The following ZNF416 variants were observed in gnomAD, a reference collection of about 807,000 sequenced individuals.
ZNF416 encodes the protein zinc finger protein 416.
In ZNF416, 5 loss-of-function variants were observed where a neutral mutation model predicts 10.9. The ratio of observed to expected loss-of-function variants is 0.46; its 90% CI spans 0.24 to 0.97. The LOEUF (loss-of-function observed/expected upper bound fraction) is 0.97, where lower values mean the gene tolerates loss of function less well. Among genes scored for constraint, ZNF416 ranks in the 50% least tolerant of loss-of-function variants. The pLI is 0.19. For missense variants in ZNF416, 675 were observed against 715.0 expected, an observed-to-expected ratio of 0.94 and a Z score of 0.64; for synonymous variants, 267 against 251.8, an observed-to-expected ratio of 1.06 and a Z score of -0.57.
At chr19:57,578,633 C>G in intron 1 of ZNF416, 39 bp downstream of exon 1, 1 of 1,516,766 alleles carries the variant, frequency 6.6e-7, no homozygotes, top group Non-Finnish European at 8.8e-7. Flanking sequence ...GGATTTCCGG[C>G]GGAGAGGGCA....
chr19:57,574,512 A>G (rs987850730), intron 3 of ZNF416, among the ~76,000 whole-genome samples: 1 of 152,096 alleles, frequency 6.6e-6, no homozygotes, highest in African/African-American at 2.4e-5. Context: ...GCACTCTACT[A>G]CCTCCATTAA....
intron 2 of ZNF416, 145 bp from the exon 3 acceptor site, chr19:57,576,075 T>C: frequency 1.0e-6 from 1 of 994,252 alleles, no homozygotes; most frequent in Non-Finnish European, 1.5e-6. Context: ...CACTGATTCC[T>C]GCCCTCTCCT....
chr19:57,571,841 G>GAAC lies in ZNF416; in HGVS notation c.*275_*277dup, dbSNP rs1172666774. On this transcript the variant is annotated 3_prime_UTR_variant, in exon 4 of 4. Transcript: ENST00000196489. ...AAGGAATTTCCTCCAAGGGTTGGGA[G>GAAC]AACACAGGTGTATCTGCCTCGCCTT... The GAAC allele has an allele frequency of 2.6e-6, 1 of 379,444 alleles. No homozygotes were observed. Among genetic ancestry groups the GAAC allele is most frequent in the Non-Finnish European group, 4.8e-6 (1 of 209,924 alleles). 23.5% of individuals were successfully genotyped at this position (379,444 alleles called of 1,614,324 possible).
chr19:57,575,740 C>G lies in ZNF416; in HGVS notation c.202+64G>C. The G allele has an allele frequency of 6.2e-7, 1 of 1,609,054 alleles. No individual in the cohort carries two copies. Among genetic ancestry groups the G allele is most frequent in the Non-Finnish European group, 8.5e-7 (1 of 1,175,898 alleles). ...CAGCAAAGCCCACGGTCCGGCAGAG[C>G]TGCCTCTGAGGAAAAAGAGGATAGA... On this transcript the variant is annotated intron_variant, in intron 3 of 3. Transcript: ENST00000196489. The surrounding 1 kb of genome is among the most constrained non-coding windows in gnomAD (Gnocchi z 4.4).
Position 57,575,748 on chromosome 19 carries a change from G to T in ZNF416, c.202+56C>A. The T allele has an allele frequency of 1.2e-6, 2 of 1,611,870 alleles. No individual in the cohort carries two copies. The highest frequency in any genetic ancestry group is 1.1e-5 in the South Asian group (1 of 91,032). On this transcript the variant is annotated intron_variant, in intron 3 of 3. Coordinates refer to ENST00000196489, the MANE Select transcript of ZNF416 (RefSeq NM_017879.3). The surrounding 1 kb of genome is among the most constrained non-coding windows in gnomAD (Gnocchi z 4.4). ...CCCACGGTCCGGCAGAGCTGCCTCT[G>T]AGGAAAAAGAGGATAGACGAAGACC...
rs2083885924 is a variant in ZNF416, at chr19:57,572,734, T to A, written c.1170A>T (p.Leu390Phe). ...KPYECGECGK[L>F]FRQSFSLVVH... ...CAACAAGGCTGAAGCTTTGTCTGAA[T>A]AATTTCCCACATTCACCACACTCAT... is the stretch of plus-strand genomic sequence containing the variant. Residue 390 changes from leucine (L) to phenylalanine (F), a missense_variant, in exon 4 of 4, where the codon TTA (leucine) becomes TTT (phenylalanine). By Grantham distance (22) the Leu-to-Phe change is conservative (BLOSUM62 0). Coordinates refer to ENST00000196489, the MANE Select transcript of ZNF416 (RefSeq NM_017879.3). The surrounding 1 kb of genome is among the most constrained non-coding windows in gnomAD (Gnocchi z 4.5). 1.2e-6 allele frequency: 2 copies of A among 1,613,618 alleles called. No homozygotes were observed. The highest frequency in any genetic ancestry group is 2.7e-5 in the African/African-American group (2 of 74,840).
At chr19:57,576,368 G>A (rs901603824) in intron 2 of ZNF416, among the ~76,000 whole-genome samples, 1 of 151,908 alleles carries the variant, frequency 6.6e-6, no homozygotes, top group South Asian at 2.1e-4. Context: ...TCACTCCCAC[G>A]GCTATTTCCA....
intron 3 of ZNF416, 22 bp from the exon 4 acceptor site, chr19:57,573,723 T>C (rs1734803336): frequency 6.3e-7 from 1 of 1,597,488 alleles, no homozygotes; most frequent in Non-Finnish European, 8.6e-7. Context: ...GAAACACTGA[T>C]GAAATGCACG....
chr19:57,574,773 C>G (rs927703860), intron 3 of ZNF416, among the ~76,000 whole-genome samples: 4 of 152,100 alleles, frequency 2.6e-5, no homozygotes, highest in Non-Finnish European at 5.9e-5. Context: ...AATCCTGTGG[C>G]AAGATCTTGT....
chr19:57,574,221 C>G (rs1253021097), intron 3 of ZNF416, among the ~76,000 whole-genome samples: 1 of 152,162 alleles, frequency 6.6e-6, no homozygotes, highest in Non-Finnish European at 1.5e-5. Flanking sequence ...TTCCTCTGCT[C>G]TAGTCATCCC....
Position 57,575,971 on chromosome 19 carries a change from T to C in ZNF416, c.76-41A>G. ...TAGATCTTTCCATGATCAGATTCTC[T>C]CCTAGGACCCCAAGTTCATGCCCCC... On this transcript the variant is annotated intron_variant, in intron 2 of 3. Coordinates refer to ENST00000196489, the MANE Select transcript of ZNF416 (RefSeq NM_017879.3). This position sits in a 1 kb window ranked among gnomAD's most constrained non-coding sequence, Gnocchi z 4.4. 1 of 1,597,696 alleles carries C rather than the reference T, an allele frequency of 6.3e-7. No homozygotes were observed. Among genetic ancestry groups the C allele is most frequent in the South Asian group, 1.1e-5 (1 of 89,402 alleles).
At chr19:57,574,914 C>T in intron 3 of ZNF416, among the ~76,000 whole-genome samples, 1 of 152,172 alleles carries the variant, frequency 6.6e-6, no homozygotes, top group East Asian at 1.9e-4. Flanking sequence ...ATGTGCACAA[C>T]TCACAACATA....
chr19:57,573,583 G>A lies in ZNF416; in HGVS notation c.321C>T (p.Asp107=), dbSNP rs1458131316. Residue 107 remains aspartate, a synonymous_variant, in exon 4 of 4, where the codon GAC becomes GAT. Transcript: ENST00000196489. ...TGTCGGTCAGGAATGGGACACACAT[G>A]TCACAGGATTGAATCTTCTGGGTGG... ...SPSTQKIQSC[D]MCVPFLTDIL... 6.2e-7 allele frequency: 1 copy of A among 1,614,214 alleles called. No homozygotes were observed. Among genetic ancestry groups the A allele is most frequent in the Non-Finnish European group, 8.5e-7 (1 of 1,180,030 alleles).
chr19:57,573,549 G>A lies in ZNF416; in HGVS notation c.355C>T (p.Leu119=). The change falls in exon 4 of 4, where the codon CTG becomes TTG. Residue 119 remains leucine, a synonymous_variant. Transcript: ENST00000196489. ...CVPFLTDILH[L]TDLPGQELYL... ...AGTTCCTGCCCAGGCAAATCGGTCA[G>A]GTGCAAAATGTCGGTCAGGAATGGG... The A allele has an allele frequency of 6.2e-7, 1 of 1,614,218 alleles. No individual in the cohort carries two copies. Among genetic ancestry groups the A allele is most frequent in the Admixed American group, 1.7e-5 (1 of 60,026 alleles).
intron 2 of ZNF416, 103 bp from the exon 3 acceptor site, chr19:57,576,033 C>T: frequency 3.4e-6 from 5 of 1,461,850 alleles, no homozygotes; most frequent in Non-Finnish European, 3.7e-6. Flanking sequence ...ATACCTAAGC[C>T]CCACCTCAGA....
Position 57,573,385 on chromosome 19 carries a change from G to C in ZNF416, c.519C>G (p.Ser173Arg), listed in dbSNP as rs544235133. ...LFHESGMPFT[S>R]SEVGKDFLAP... ...CTAGGAAGTCCTTCCCAACCTCACT[G>C]CTGGTGAAAGGCATTCCTGACTCAT... The change falls in exon 4 of 4, where the codon AGC becomes AGG. Residue 173 changes from serine (S) to arginine (R), a missense_variant. Physicochemically the swap from Ser to Arg is moderately radical, Grantham distance 110 (BLOSUM62 -1). Coordinates refer to ENST00000196489, the MANE Select transcript of ZNF416 (RefSeq NM_017879.3). 1.2e-6 allele frequency: 2 copies of C among 1,614,238 alleles called. No individual in the cohort carries two copies. Among genetic ancestry groups the C allele is most frequent in the South Asian group, 2.2e-5 (2 of 91,086 alleles).
In ZNF416 at chr19:57,573,422, C is replaced by T. The variant is rs921906160; in HGVS notation, c.482G>A (p.Cys161Tyr). 1 of 1,614,258 alleles carries T rather than the reference C, an allele frequency of 6.2e-7. No individual in the cohort carries two copies. Among genetic ancestry groups the T allele is most frequent in the African/African-American group, 1.3e-5 (1 of 75,068 alleles). Residue 161 changes from cysteine (C) to tyrosine (Y), a missense_variant, in exon 4 of 4, where the codon TGC (cysteine) becomes TAC (tyrosine). Coordinates refer to ENST00000196489, the MANE Select transcript of ZNF416 (RefSeq NM_017879.3). Reference sequence around the variant, plus strand: ...CATTCCTGACTCATGGAACAGGCAGCACTGCACAAATGAGGCCTTGTCCAT... The same window carrying T: ...CATTCCTGACTCATGGAACAGGCAGTACTGCACAAATGAGGCCTTGTCCAT... The part of the protein sequence containing the change: ...SDMDKASFVQ[C>Y]CLFHESGMPF...
At position 57,573,345 on chromosome 19, in the gene ZNF416, G is replaced by C. The variant is rs1418759191; in HGVS notation, c.559C>G (p.Leu187Val). Reference protein sequence around the residue: ...GKDFLAPLGILQPQAIANYEK... With the variant: ...GKDFLAPLGIVQPQAIANYEK... ...TAGTTAGCAATAGCTTGCGGCTGAA[G>C]AATGCCCAATGGGGCTAGGAAGTCC... Residue 187 changes from leucine to valine, a missense_variant, in exon 4 of 4, where the codon CTT (leucine) becomes GTT (valine). Transcript: ENST00000196489. The C allele has an allele frequency of 3.1e-6, 5 of 1,614,132 alleles. No individual in the cohort carries two copies. Among genetic ancestry groups the C allele is most frequent in the Non-Finnish European group, 4.2e-6 (5 of 1,180,056 alleles).
chr19:57,576,240 CAAT>C (rs1365217943), intron 2 of ZNF416, among the ~76,000 whole-genome samples: 3 of 152,140 alleles, frequency 2.0e-5, no homozygotes, highest in African/African-American at 4.8e-5. Flanking sequence ...CACATACAAA[CAAT>C]GATGAGGTTT....
Sources: gnomAD v4.1 joint callset for allele counts (sites outside exome capture counted in the v4.1 genomes callset) on GRCh38, gnomAD v4.1.1 for gene constraint, Gnocchi (gnomAD v3.1) non-coding constraint, MANE v1.5 for transcripts, NCBI Gene and HGNC (gene_info 2026-07-23, HGNC 2026-07-21) for gene names.